Variants in ENTREP1 observed in about 807,000 individuals in gnomAD.
The protein encoded by ENTREP1 is endosomal transmembrane epsin interactor 1.
the ENTREP1 span, among the ~76,000 whole-genome samples, chr9:69,340,801 A>ATG: frequency 1.9e-5 from 1 of 51,984 alleles, no homozygotes; most frequent in Non-Finnish European, 3.7e-5. Context: ...GTGTGTGTGC[A>ATG]TGTGTGTGTG....
At chr9:69,365,031 G>C in the ENTREP1 span, among the ~76,000 whole-genome samples, 1 of 152,148 alleles carries the variant, frequency 6.6e-6, no homozygotes, top group Non-Finnish European at 1.5e-5. Context: ...CACATTCATT[G>C]TATGATCTCA....
the ENTREP1 span, chr9:69,391,989 C>T: frequency 1.6e-5 from 10 of 619,916 alleles, no homozygotes; most frequent in African/African-American, 3.7e-5. Flanking sequence ...GGTCCAGGCC[C>T]GTCTGGGTTT....
At chr9:69,377,892 T>A in the ENTREP1 span, 1 of 779,644 alleles carries the variant, frequency 1.3e-6, no homozygotes, top group Non-Finnish European at 2.0e-6. Flanking sequence ...GTTAGCCCAA[T>A]GAGTGACAAA....
At chr9:69,388,168 G>A in the ENTREP1 span, 1 of 1,614,194 alleles carries the variant, frequency 6.2e-7, no homozygotes, top group Non-Finnish European at 8.5e-7. Context: ...CTGCCCCAGT[G>A]CTCAGCTGTG....
chr9:69,372,174 A>T, the ENTREP1 span, among the ~76,000 whole-genome samples: 1 of 152,220 alleles, frequency 6.6e-6, no homozygotes, highest in African/African-American at 2.4e-5. Flanking sequence ...AACTTAAAAG[A>T]AAATAAATTT....
chr9:69,370,188 G>A, the ENTREP1 span, among the ~76,000 whole-genome samples: 48,289 of 151,880 alleles, frequency 0.32, 8,950 homozygotes, highest in Admixed American at 0.4. Context: ...GTATATTATC[G>A]TAAAAGAAAA....
the ENTREP1 span, chr9:69,381,758 TAGGAA>T: frequency 6.6e-6 from 1 of 152,248 alleles, no homozygotes; most frequent in Non-Finnish European, 1.5e-5. Context: ...AATTGCTTAA[TAGGAA>T]AGGAACTTTC....
the ENTREP1 span, among the ~76,000 whole-genome samples, chr9:69,365,684 A>G: frequency 2.0e-5 from 3 of 151,702 alleles, no homozygotes; most frequent in Non-Finnish European, 4.4e-5. Context: ...CACACCCCAC[A>G]TGCACCCATC....
At chr9:69,380,421 A>T in the ENTREP1 span, 4 of 152,230 alleles carry the variant, frequency 2.6e-5, no homozygotes, top group African/African-American at 9.7e-5. Flanking sequence ...GACCAGTTTT[A>T]TCCAGAGTTT....
At chr9:69,384,776 A>G in the ENTREP1 span, among the ~76,000 whole-genome samples, 1 of 152,202 alleles carries the variant, frequency 6.6e-6, no homozygotes, top group African/African-American at 2.4e-5. Flanking sequence ...GCAATTTTAG[A>G]TGAAGGTAAT....
chr9:69,369,556 T>G, the ENTREP1 span, among the ~76,000 whole-genome samples: 10 of 152,160 alleles, frequency 6.6e-5, no homozygotes, highest in African/African-American at 2.4e-4. Context: ...CTCATTGTGT[T>G]TTTGATTTGC....
At chr9:69,333,596 C>T in the ENTREP1 span, among the ~76,000 whole-genome samples, 2 of 152,134 alleles carry the variant, frequency 1.3e-5, no homozygotes, top group East Asian at 1.9e-4. Context: ...TGAGCCACTG[C>T]GCCTGGCCAA....
chr9:69,338,485 G>A, the ENTREP1 span, among the ~76,000 whole-genome samples: 1 of 152,144 alleles, frequency 6.6e-6, no homozygotes, highest in Non-Finnish European at 1.5e-5. Flanking sequence ...ATTCAAGAAA[G>A]TATACCTATT....
chr9:69,380,014 G>A, the ENTREP1 span: 1 of 152,228 alleles, frequency 6.6e-6, no homozygotes, highest in Non-Finnish European at 1.5e-5. Flanking sequence ...CAGGTTGGAA[G>A]AAAACAGACA....
chr9:69,369,129 C>A, the ENTREP1 span, among the ~76,000 whole-genome samples: 1 of 152,088 alleles, frequency 6.6e-6, no homozygotes, highest in Non-Finnish European at 1.5e-5. Context: ...TGGTTTCCAG[C>A]TTTATCCATG....
chr9:69,333,743 G>A, the ENTREP1 span, among the ~76,000 whole-genome samples: 1 of 152,294 alleles, frequency 6.6e-6, no homozygotes, highest in East Asian at 1.9e-4. Context: ...GGAGATTTGT[G>A]TTTTCCTTAA....
At chr9:69,353,803 T>A in the ENTREP1 span, among the ~76,000 whole-genome samples, 19 of 152,238 alleles carry the variant, frequency 1.2e-4, no homozygotes, top group Admixed American at 3.9e-4. Flanking sequence ...ACTCTTCTTC[T>A]TCCTTTTTGT....
At chr9:69,390,345 G>A in the ENTREP1 span, among the ~76,000 whole-genome samples, 6 of 152,172 alleles carry the variant, frequency 3.9e-5, no homozygotes, top group South Asian at 2.1e-4. Context: ...AAGGTTTTCC[G>A]AAGCTGCTGA....
chr9:69,326,726 A>T, the ENTREP1 span, among the ~76,000 whole-genome samples: 236 of 150,908 alleles, frequency 1.6e-3, 1 homozygote, highest in African/African-American at 5.2e-3. Flanking sequence ...TTTTTTTTTT[A>T]ATTTTTAATT....
Sources: allele counts gnomAD v4.1 joint callset (sites outside exome capture counted in the v4.1 genomes callset), GRCh38; gene constraint gnomAD v4.1.1; transcripts MANE v1.5; gene names NCBI Gene and HGNC (gene_info 2026-07-23, HGNC 2026-07-21).